The following PIEZO2 variants were observed in gnomAD, a reference collection of about 807,000 sequenced individuals.
The protein encoded by PIEZO2 is piezo-type mechanosensitive ion channel component 2.
In PIEZO2, 172 loss-of-function variants were observed where a neutral mutation model predicts 337.3. The observed-to-expected ratio is 0.51, with a 90% CI of 0.45 to 0.58. The LOEUF (loss-of-function observed/expected upper bound fraction) is 0.58, where lower values mean the gene tolerates loss of function less well. PIEZO2 is among the 20% of genes least tolerant of loss of function. PIEZO2 has a pLI of 0.00. For missense variants in PIEZO2, 3,028 were observed against 3,391.3 expected (o/e 0.89, Z 2.66); for synonymous variants, 1,251 against 1,228.5 (o/e 1.02, Z -0.38).
Position 10,759,362 on chromosome 18 carries a change from G to A in PIEZO2, c.3757+120C>T. Reference sequence around the variant, plus strand: ...CTTGTGATATTAATGCATAAGACAAGCCTTTACATGATTACGAAGTCTAGT... The same window carrying A: ...CTTGTGATATTAATGCATAAGACAAACCTTTACATGATTACGAAGTCTAGT... On this transcript the variant is annotated intron_variant, in intron 26 of 55. Coordinates refer to ENST00000674853, the MANE Select transcript of PIEZO2 (RefSeq NM_001378183.1). This position sits in a 1 kb window ranked among gnomAD's most constrained non-coding sequence, Gnocchi z 5.5. 2.4e-6 allele frequency: 2 copies of A among 821,884 alleles called. No homozygotes were observed. The highest frequency in any genetic ancestry group is 3.8e-6 in the Non-Finnish European group (2 of 521,022). The allele number at this position is 821,884 out of a possible 1,614,324, so 50.9% of individuals were successfully genotyped here. A position where few individuals can be genotyped will look rare whatever the true frequency, so the allele number is the denominator to read the frequency against.
Position 11,070,908 on chromosome 18 carries a change from A to C in PIEZO2, c.65-4686T>G, listed in dbSNP as rs2038317979. 6.6e-6 allele frequency among the ~76,000 whole-genome samples: 1 copy of C among 152,054 alleles called. No individual in the cohort carries two copies. Among genetic ancestry groups the C allele is most frequent in the African/African-American group, 2.4e-5 (1 of 41,390 alleles). ...TGCGAGTGGCGGGTACCCAGACAGG[A>C]AGACCAGATCAAGAAGCACTAATCC... On this transcript the variant is annotated intron_variant, in intron 1 of 55. Coordinates refer to ENST00000674853, the MANE Select transcript of PIEZO2 (RefSeq NM_001378183.1). The surrounding 1 kb of genome is among the most constrained non-coding windows in gnomAD (Gnocchi z 4.3).
intron 4 of PIEZO2, among the ~76,000 whole-genome samples, chr18:10,897,003 T>C (rs551813366): frequency 1.3e-5 from 2 of 152,256 alleles, no homozygotes; most frequent in East Asian, 1.9e-4. Flanking sequence ...AATAGAACGA[T>C]GCAATGTCTA....
In PIEZO2 at chr18:10,677,135, CCCA is replaced by C. The variant is rs2034045797; in HGVS notation, c.8081+609_8081+611del. The stretch of plus-strand genomic sequence containing the variant: ...GAATAATGTCTGTCTCAATGGAAGC[CCCA>C]GCGGGCCAGCACTTTCCATGCACTG... On this transcript the variant is annotated intron_variant, in intron 53 of 55. Transcript: ENST00000674853. The surrounding 1 kb of genome is among the most constrained non-coding windows in gnomAD (Gnocchi z 4.1). Among the ~76,000 whole-genome samples, 2 of 152,174 alleles carry C rather than the reference CCCA, an allele frequency of 1.3e-5. No individual in the cohort carries two copies. The highest frequency in any genetic ancestry group is 2.9e-5 in the Non-Finnish European group (2 of 68,034).
At position 11,102,920 on chromosome 18, in the gene PIEZO2, C is replaced by G. The variant is rs928918294; in HGVS notation, c.65-36698G>C. On this transcript the variant is annotated intron_variant, in intron 1 of 55. Coordinates refer to ENST00000674853, the MANE Select transcript of PIEZO2 (RefSeq NM_001378183.1). The surrounding 1 kb of genome is among the most constrained non-coding windows in gnomAD (Gnocchi z 5.7). ...AGAGAGACTGAATCTATTTTTCCAG[C>G]TGTAATTTTAAAAATCCCAGGGAAG... Among the ~76,000 whole-genome samples the G allele has an allele frequency of 6.6e-6, 1 of 152,134 alleles. No individual in the cohort carries two copies. Among genetic ancestry groups the G allele is most frequent in the African/African-American group, 2.4e-5 (1 of 41,432 alleles).
At chr18:10,792,950 CT>C (rs773111846) in intron 13 of PIEZO2, among the ~76,000 whole-genome samples, 11 of 152,238 alleles carry the variant, frequency 7.2e-5, no homozygotes, top group Non-Finnish European at 1.3e-4. Context: ...TATTATCTGC[CT>C]TTTTAAAAAT....
Position 11,016,617 on chromosome 18 carries a change from C to T in PIEZO2, c.161-36957G>A, listed in dbSNP as rs895496017. Among the ~76,000 whole-genome samples the T allele has an allele frequency of 6.6e-6, 1 of 152,104 alleles. No homozygotes were observed. Among genetic ancestry groups the T allele is most frequent in the Non-Finnish European group, 1.5e-5 (1 of 68,010 alleles). ...ACTCAAGGTAAAAAGAAAACAAATG[C>T]TGGGATTCTGAATACAATCCTAGAA... On this transcript the variant is annotated intron_variant, in intron 2 of 55. Transcript: ENST00000674853. This position sits in a 1 kb window ranked among gnomAD's most constrained non-coding sequence, Gnocchi z 5.6.
rs1380540646 is a variant in PIEZO2, at chr18:11,143,633, A to ACTCTCT, written c.64+4891_64+4892insAGAGAG. On this transcript the variant is annotated intron_variant, in intron 1 of 55. Coordinates refer to ENST00000674853, the MANE Select transcript of PIEZO2 (RefSeq NM_001378183.1). The surrounding 1 kb of genome is among the most constrained non-coding windows in gnomAD (Gnocchi z 4.9). The stretch of plus-strand genomic sequence containing the variant: ...CACACACACACACACACACACACAC[A>ACTCTCT]CACACACTCTCTCTCTCTCTCTCTC... Among the ~76,000 whole-genome samples, 1 of 68,926 alleles carries ACTCTCT rather than the reference A, an allele frequency of 1.5e-5. No homozygotes were observed. The highest frequency in any genetic ancestry group is 8.1e-5 in the African/African-American group (1 of 12,374). The allele number at this position is 68,926 out of a possible 152,430, so 45.2% of individuals were successfully genotyped here.
chr18:10,715,832 G>A lies in PIEZO2; in HGVS notation c.5090-16C>T, dbSNP rs2035989801. 6.7e-7 allele frequency: 1 copy of A among 1,497,712 alleles called. No homozygotes were observed. Among genetic ancestry groups the A allele is most frequent in the Non-Finnish European group, 8.9e-7 (1 of 1,120,334 alleles). The allele number at this position is 1,497,712 out of a possible 1,614,324, so 92.8% of individuals were successfully genotyped here. ...ATGATATTATCTAGGAGGAAGAAAG[G>A]CAACAAGATGTTAAAGGAACAAAAT... On this transcript the variant is annotated splice_polypyrimidine_tract_variant and intron_variant, in intron 37 of 55. Coordinates refer to ENST00000674853, the MANE Select transcript of PIEZO2 (RefSeq NM_001378183.1).
rs2036587034 is a variant in PIEZO2 at position 11,027,787 on chromosome 18, T to C, written c.160+38340A>G. 2.6e-5 allele frequency among the ~76,000 whole-genome samples: 4 copies of C among 151,986 alleles called. No homozygotes were observed. The highest frequency in any genetic ancestry group is 2.0e-4 in the Admixed American group (3 of 15,264). ...ATTCATAGTGATCTTGATCTATCAT[T>C]TAGCGTTTCAGTTCAATACTGAAAT... On this transcript the variant is annotated intron_variant, in intron 2 of 55. Transcript: ENST00000674853. The surrounding 1 kb of genome is among the most constrained non-coding windows in gnomAD (Gnocchi z 4.2).
At chr18:10,729,231 A>T (rs942500220) in intron 36 of PIEZO2, among the ~76,000 whole-genome samples, 1 of 152,188 alleles carries the variant, frequency 6.6e-6, no homozygotes, top group Admixed American at 6.5e-5. Context: ...AAAAGAAGAG[A>T]CTTTGTAATT....
intron 1 of PIEZO2, among the ~76,000 whole-genome samples, chr18:11,093,970 T>TG (rs1555712087): frequency 1.6e-4 from 23 of 139,806 alleles, no homozygotes; most frequent in East Asian, 8.5e-4. Context: ...GATAATTTGT[T>TG]GGGGTTTTTT....
In PIEZO2 at chr18:10,899,511, A is replaced by G. The variant is rs951622017; in HGVS notation, c.329+11675T>C. Among the ~76,000 whole-genome samples the G allele has an allele frequency of 7.9e-5, 12 of 152,162 alleles. No individual in the cohort carries two copies. The highest frequency in any genetic ancestry group is 2.7e-4 in the African/African-American group (11 of 41,442). ...TGAGCTTCCTCAGCATAAAATGCCT[A>G]TGGAAAAGGCATTTTATGGTGGTTA... is the stretch of plus-strand genomic sequence containing the variant. On this transcript the variant is annotated intron_variant, in intron 4 of 55. Transcript: ENST00000674853. This position sits in a 1 kb window ranked among gnomAD's most constrained non-coding sequence, Gnocchi z 4.6.
chr18:11,083,413 G>C lies in PIEZO2; in HGVS notation c.65-17191C>G, dbSNP rs1361187483. Among the ~76,000 whole-genome samples, 4 of 152,232 alleles carry C rather than the reference G, an allele frequency of 2.6e-5. No individual in the cohort carries two copies. The highest frequency in any genetic ancestry group is 1.5e-5 in the Non-Finnish European group (1 of 68,040). On this transcript the variant is annotated intron_variant, in intron 1 of 55. Coordinates refer to ENST00000674853, the MANE Select transcript of PIEZO2 (RefSeq NM_001378183.1). The surrounding 1 kb of genome is among the most constrained non-coding windows in gnomAD (Gnocchi z 4.4). The stretch of plus-strand genomic sequence containing the variant: ...GGTAAATTCTTGGCGTAGAATGAGA[G>C]ATCCGAAGGAGTCCAGGTAAGGGCA...
intron 8 of PIEZO2, among the ~76,000 whole-genome samples, chr18:10,805,763 C>T (rs1018731033): frequency 6.6e-6 from 1 of 152,210 alleles, no homozygotes; most frequent in African/African-American, 2.4e-5. Flanking sequence ...TCCATGAGAA[C>T]CCTGCTAACA....
rs566011755 is a variant in PIEZO2, at chr18:11,078,176, A to T, written c.65-11954T>A. 5.0e-4 allele frequency among the ~76,000 whole-genome samples: 76 copies of T among 152,066 alleles called. 1 individual carries two copies. The highest frequency in any genetic ancestry group is 1.7e-3 in the African/African-American group (69 of 41,508). On this transcript the variant is annotated intron_variant, in intron 1 of 55. Coordinates refer to ENST00000674853, the MANE Select transcript of PIEZO2 (RefSeq NM_001378183.1). This position sits in a 1 kb window ranked among gnomAD's most constrained non-coding sequence, Gnocchi z 5.3. Reference sequence around the variant, plus strand: ...ACACACACATACACACACCACACACACATACACACACACACTTGTATGGGC... The same window carrying T: ...ACACACACATACACACACCACACACTCATACACACACACACTTGTATGGGC...
chr18:10,730,914 C>G (rs912129357), intron 36 of PIEZO2, among the ~76,000 whole-genome samples: 41 of 151,744 alleles, frequency 2.7e-4, no homozygotes, highest in Non-Finnish European at 5.7e-4. Flanking sequence ...TTTTAGTAGA[C>G]ACGGGGTTTC....
Position 10,800,390 on chromosome 18 carries a change from G to C in PIEZO2, c.1325C>G (p.Ala442Gly). ...SLPMENGPGK[A>G]DLYSTPQYRW... ...GTACTGAGGGGTGGAGTAGAGGTCG[G>C]CTTTGCCAGGGCCGTTCTCCATGGG... Residue 442 changes from alanine to glycine, a missense_variant, in exon 11 of 56, where the codon GCC becomes GGC. Physicochemically the swap from Ala to Gly is moderately conservative, Grantham distance 60 (BLOSUM62 0). This residue lies in a region of PIEZO2 where 542 missense variants were observed against 605.6 expected (regional missense o/e 0.89). Transcript: ENST00000674853. 1 of 1,536,370 alleles carries C rather than the reference G, an allele frequency of 6.5e-7. No individual in the cohort carries two copies. Among genetic ancestry groups the C allele is most frequent in the Non-Finnish European group, 8.7e-7 (1 of 1,146,490 alleles).
intron 26 of PIEZO2, among the ~76,000 whole-genome samples, chr18:10,758,670 T>C (rs1304482640): frequency 6.6e-6 from 1 of 152,202 alleles, no homozygotes; most frequent in Admixed American, 6.5e-5. Flanking sequence ...CCCATCTTTA[T>C]CTTTTTATGT....
At chr18:10,957,291 G>T (rs747472602) in intron 3 of PIEZO2, among the ~76,000 whole-genome samples, 1 of 152,052 alleles carries the variant, frequency 6.6e-6, no homozygotes, top group Non-Finnish European at 1.5e-5. Context: ...CAGCTACTTG[G>T]GGGGCTGAGG....
Sources: allele counts gnomAD v4.1 joint callset (sites outside exome capture counted in the v4.1 genomes callset), GRCh38; gene constraint gnomAD v4.1.1; regional missense constraint gnomAD v4.1.1; non-coding constraint Gnocchi (gnomAD v3.1); transcripts MANE v1.5; gene names NCBI Gene and HGNC (gene_info 2026-07-23, HGNC 2026-07-21).